The following MARCHF1 variants were observed in gnomAD, a reference collection of about 807,000 sequenced individuals.
MARCHF1 encodes E3 ubiquitin-protein ligase MARCHF1.
MARCHF1 carries 40 observed loss-of-function variants against 54.2 expected under a neutral mutation model. The ratio of observed to expected loss-of-function variants is 0.74; its 90% confidence interval spans 0.57 to 0.96. The LOEUF is 0.96. MARCHF1 is among the 40% of genes least tolerant of loss of function. The pLI is 0.00. For missense variants in MARCHF1, 586 were observed against 656.5 expected, an observed-to-expected ratio of 0.89 and a Z score of 1.17; for synonymous variants, 236 against 236.3, an observed-to-expected ratio of 1.00 and a Z score of 0.01.
chr4:163,791,270 A>T (rs545346867), intron 4 of MARCHF1, among the ~76,000 whole-genome samples: 2 of 152,278 alleles, frequency 1.3e-5, no homozygotes, highest in Non-Finnish European at 2.9e-5. Flanking sequence ...GGCTACTATT[A>T]CATTTATTCT....
At chr4:163,803,255 C>G (rs186627242) in intron 4 of MARCHF1, among the ~76,000 whole-genome samples, 1 of 152,156 alleles carries the variant, frequency 6.6e-6, no homozygotes, top group Non-Finnish European at 1.5e-5. Context: ...CTCACTGCAA[C>G]CTCTGCCTCC....
At chr4:164,256,721 G>A (rs1180717645) in intron 1 of MARCHF1, among the ~76,000 whole-genome samples, 11 of 152,134 alleles carry the variant, frequency 7.2e-5, no homozygotes, top group African/African-American at 1.7e-4. Context: ...GTGTACAAGA[G>A]TAAGTTGAAA....
intron 8 of MARCHF1, among the ~76,000 whole-genome samples, chr4:163,551,187 T>G (rs1667698102): frequency 6.6e-6 from 1 of 152,260 alleles, no homozygotes; most frequent in African/African-American, 2.4e-5. Flanking sequence ...TTATTTGAAC[T>G]GAAATGATTC....
At chr4:164,377,838 T>C (rs1731240645) in intron 1 of MARCHF1, among the ~76,000 whole-genome samples, 1 of 152,234 alleles carries the variant, frequency 6.6e-6, no homozygotes, top group Admixed American at 6.5e-5. Flanking sequence ...TGATAGAACC[T>C]GCCTTCGTTT....
chr4:163,723,288 A>G (rs1745538990), intron 4 of MARCHF1, among the ~76,000 whole-genome samples: 1 of 152,154 alleles, frequency 6.6e-6, no homozygotes, highest in African/African-American at 2.4e-5. Context: ...TATGAAGCTT[A>G]GTTTGGCTGG....
At chr4:163,531,585 G>GTCT (rs1348792094) in intron 9 of MARCHF1, among the ~76,000 whole-genome samples, 2 of 151,864 alleles carry the variant, frequency 1.3e-5, no homozygotes, top group African/African-American at 4.8e-5. Flanking sequence ...CACACTGGAA[G>GTCT]TCTTAGCTAA....
At chr4:163,545,881 A>G (rs1301915222) in intron 8 of MARCHF1, 138 bp from the exon 9 acceptor site, 4 of 709,166 alleles carry the variant, frequency 5.6e-6, no homozygotes, top group Non-Finnish European at 7.2e-6. Context: ...TAATATTCAA[A>G]TAAGTCTTCA....
chr4:163,539,799 G>A (rs1738666482), intron 9 of MARCHF1, among the ~76,000 whole-genome samples: 1 of 152,220 alleles, frequency 6.6e-6, no homozygotes. Flanking sequence ...TAGCAATTAT[G>A]TATATTGTAT....
chr4:163,802,361 CAG>C (rs1193443970), intron 4 of MARCHF1, among the ~76,000 whole-genome samples: 1 of 149,758 alleles, frequency 6.7e-6, no homozygotes, highest in Non-Finnish European at 1.5e-5. Context: ...AGCAGACACT[CAG>C]AAATATTAAA....
chr4:164,319,186 A>G (rs1314608155), intron 1 of MARCHF1, among the ~76,000 whole-genome samples: 1 of 152,166 alleles, frequency 6.6e-6, no homozygotes, highest in Non-Finnish European at 1.5e-5. Context: ...TATTCCCTAA[A>G]CCATATAACA....
chr4:164,242,698 C>T (rs996130933), intron 1 of MARCHF1, among the ~76,000 whole-genome samples: 10 of 152,192 alleles, frequency 6.6e-5, no homozygotes, highest in Admixed American at 2.0e-4. Context: ...GGAGGACATT[C>T]AAACCAAAGG....
intron 1 of MARCHF1, 112 bp from the exon 2 acceptor site, chr4:164,111,774 G>A (rs1755838768): frequency 6.6e-6 from 1 of 151,752 alleles, no homozygotes; most frequent in Non-Finnish European, 1.5e-5. Context: ...TTGGGCCTAT[G>A]TAAGTAGTCT....
At position 163,528,961 on chromosome 4, in the gene MARCHF1, A is replaced by G. The variant is rs1450801273; in HGVS notation, c.1425T>C (p.Cys475=). The G allele has an allele frequency of 6.2e-7, 1 of 1,613,270 alleles. No individual in the cohort carries two copies. Among genetic ancestry groups the G allele is most frequent in the Non-Finnish European group, 8.5e-7 (1 of 1,179,548 alleles). The change falls in exon 10 of 10, where the codon TGT becomes TGC. Residue 475 remains cysteine, a synonymous_variant. Transcript: ENST00000514618. The part of the protein sequence containing the change: ...TGGLVFMYVQ[C]KVYVQLWRRL... ...TGCGCCACAACTGAACATAGACTTTACACTGTACGTACATGAAGACAAGAC... is the reference window on the plus strand; with the variant it reads ...TGCGCCACAACTGAACATAGACTTTGCACTGTACGTACATGAAGACAAGAC...
intron 3 of MARCHF1, among the ~76,000 whole-genome samples, chr4:163,976,742 C>T (rs1006833027): frequency 3.3e-5 from 5 of 152,266 alleles, no homozygotes; most frequent in Admixed American, 6.5e-5. Flanking sequence ...AGCAAAATCA[C>T]GGGAGTAGGT....
intron 2 of MARCHF1, among the ~76,000 whole-genome samples, chr4:164,030,546 A>T (rs1753856344): frequency 2.0e-5 from 3 of 152,180 alleles, no homozygotes; most frequent in Admixed American, 6.6e-5. Flanking sequence ...ATTCACTGTA[A>T]CCATAAATGA....
chr4:163,895,603 T>G (rs979995909), intron 3 of MARCHF1, among the ~76,000 whole-genome samples: 1 of 152,288 alleles, frequency 6.6e-6, no homozygotes. Context: ...GGACAGATAA[T>G]GCAGTAGAGG....
chr4:164,153,099 G>C (rs1729987023), intron 1 of MARCHF1, among the ~76,000 whole-genome samples: 1 of 141,038 alleles, frequency 7.1e-6, no homozygotes, highest in African/African-American at 2.7e-5. Context: ...ATATTTTATA[G>C]AGATTGACTC....
At chr4:163,658,758 G>A (rs1294819536) in intron 5 of MARCHF1, among the ~76,000 whole-genome samples, 1 of 151,956 alleles carries the variant, frequency 6.6e-6, no homozygotes, top group African/African-American at 2.4e-5. Flanking sequence ...GATGGACACA[G>A]GGAGGGGAAC....
At chr4:163,581,908 G>A (rs189631239) in intron 8 of MARCHF1, among the ~76,000 whole-genome samples, 3 of 152,162 alleles carry the variant, frequency 2.0e-5, no homozygotes, top group South Asian at 2.1e-4. Flanking sequence ...GTACAAATGA[G>A]GCAAGGGACA....
Sources: gnomAD v4.1 joint callset for allele counts (sites outside exome capture counted in the v4.1 genomes callset) on GRCh38, gnomAD v4.1.1 for gene constraint, MANE v1.5 for transcripts, NCBI Gene and HGNC (gene_info 2026-07-23, HGNC 2026-07-21) for gene names.